Variants in SLC1A2 observed in about 807,000 individuals in gnomAD.
SLC1A2 encodes the protein solute carrier family 1 member 2.
A neutral mutation model predicts 48.8 loss-of-function variants in SLC1A2; 15 were observed. That is an observed-to-expected ratio of 0.31 (90% CI 0.21 to 0.47). SLC1A2 has a LOEUF of 0.47. SLC1A2 is among the 20% of genes least tolerant of loss of function. The pLI is 0.99. For synonymous variants in SLC1A2, 279 were observed against 272.6 expected, an observed-to-expected ratio of 1.02 and a Z score of -0.23; for missense variants, 502 against 730.5, an observed-to-expected ratio of 0.69 and a Z score of 3.61.
intron 1 of SLC1A2, chr11:35,391,110 C>T (rs1226834716): frequency 6.6e-6 from 1 of 152,124 alleles, no homozygotes; most frequent in African/African-American, 2.4e-5. Context: ...CAACCATGGT[C>T]CACAGGTCAA....
intron 4 of SLC1A2, among the ~76,000 whole-genome samples, chr11:35,310,122 C>G (rs1466545874): frequency 6.6e-6 from 1 of 152,186 alleles, no homozygotes; most frequent in Non-Finnish European, 1.5e-5. Context: ...AGCAATAGCT[C>G]CAGGAGCCTG....
intron 1 of SLC1A2, among the ~76,000 whole-genome samples, chr11:35,333,792 G>A (rs960028996): frequency 2.0e-5 from 3 of 150,516 alleles, no homozygotes; most frequent in Non-Finnish European, 4.4e-5. Flanking sequence ...CTCCCGAGTA[G>A]CTGGGATGAC....
At chr11:35,334,389 T>A (rs542527900) in intron 1 of SLC1A2, among the ~76,000 whole-genome samples, 14 of 152,188 alleles carry the variant, frequency 9.2e-5, no homozygotes, top group Non-Finnish European at 1.9e-4. Flanking sequence ...AAAAAAGGAA[T>A]GAAAATTTAT....
At chr11:35,312,698 T>C (rs1017528076) in intron 3 of SLC1A2, among the ~76,000 whole-genome samples, 4 of 152,252 alleles carry the variant, frequency 2.6e-5, no homozygotes, top group African/African-American at 9.6e-5. Flanking sequence ...ATGCACATCC[T>C]CCTGTCTACT....
intron 9 of SLC1A2, among the ~76,000 whole-genome samples, chr11:35,278,655 C>T (rs577439732): frequency 7.9e-5 from 12 of 152,202 alleles, no homozygotes; most frequent in African/African-American, 2.6e-4. Context: ...TTCCTCCCTT[C>T]GGCCACTTGC....
chr11:35,316,449 G>A (rs1457988977), intron 2 of SLC1A2: 1 of 152,192 alleles, frequency 6.6e-6, no homozygotes. Context: ...TGGTTACATG[G>A]CGGGTAACCT....
At chr11:35,348,995 C>A (rs1293920993) in intron 1 of SLC1A2, among the ~76,000 whole-genome samples, 1 of 150,474 alleles carries the variant, frequency 6.6e-6, no homozygotes, top group Non-Finnish European at 1.5e-5. Flanking sequence ...TATAGGTAGA[C>A]TTTCTTTTGG....
intron 1 of SLC1A2, among the ~76,000 whole-genome samples, chr11:35,409,702 A>G (rs1360227499): frequency 3.3e-5 from 5 of 152,196 alleles, no homozygotes; most frequent in Admixed American, 3.3e-4. Flanking sequence ...TGAGGTCAGG[A>G]GTTCAAGACC....
At chr11:35,324,103 A>T (rs1414003407) in intron 1 of SLC1A2, among the ~76,000 whole-genome samples, 2 of 152,234 alleles carry the variant, frequency 1.3e-5, no homozygotes, top group Non-Finnish European at 2.9e-5. Context: ...GAAGGAGAAG[A>T]GCCTTTTTTT....
intron 4 of SLC1A2, among the ~76,000 whole-genome samples, chr11:35,307,766 G>C (rs1462696305): frequency 6.6e-6 from 1 of 152,218 alleles, no homozygotes; most frequent in Admixed American, 6.5e-5. Context: ...TACTGTGCTG[G>C]TTCCCATAGG....
intron 1 of SLC1A2, among the ~76,000 whole-genome samples, chr11:35,340,400 C>A (rs1259351394): frequency 3.9e-5 from 6 of 152,232 alleles, no homozygotes; most frequent in African/African-American, 9.6e-5. Flanking sequence ...GATCTGAGCT[C>A]CCTATCTGCT....
intron 1 of SLC1A2, among the ~76,000 whole-genome samples, chr11:35,396,453 T>C (rs1275395052): frequency 7.6e-6 from 1 of 131,544 alleles, no homozygotes; most frequent in Non-Finnish European, 1.6e-5. Flanking sequence ...TTTCATGTGT[T>C]TTTTGGCTGC....
chr11:35,298,171 C>CA (rs1220819711), intron 6 of SLC1A2: 1 of 152,116 alleles, frequency 6.6e-6, no homozygotes, highest in African/African-American at 2.4e-5. Flanking sequence ...TGAGCTAATG[C>CA]ATGTAAAACA....
rs981241082 is a variant in SLC1A2, at chr11:35,256,653, G to C, written c.*4241C>G. The C allele has an allele frequency of 1.3e-5, 2 of 151,878 alleles. No individual in the cohort carries two copies. Among genetic ancestry groups the C allele is most frequent in the Non-Finnish European group, 2.9e-5 (2 of 67,980 alleles). The allele number at this position is 151,878 out of a possible 1,614,324, so 9.4% of individuals were successfully genotyped here. A position where few individuals can be genotyped will look rare whatever the true frequency, so the allele number is the denominator to read the frequency against. ...AGTCTTCTTCTGCCTCCAGACTCTA[G>C]CATTCTTATTCAAGGAGCAAGTATG... On this transcript the variant is annotated 3_prime_UTR_variant, in exon 11 of 11. Transcript: ENST00000278379.
intron 1 of SLC1A2, among the ~76,000 whole-genome samples, chr11:35,387,422 C>T (rs1270228473): frequency 1.3e-5 from 2 of 152,132 alleles, no homozygotes; most frequent in African/African-American, 4.8e-5. Context: ...GCAAGAACAT[C>T]CCCTACTTTT....
intron 1 of SLC1A2, among the ~76,000 whole-genome samples, chr11:35,350,519 T>A (rs1210781541): frequency 6.6e-6 from 1 of 152,186 alleles, no homozygotes; most frequent in South Asian, 2.1e-4. Flanking sequence ...ATATAACTAA[T>A]AACATGCACA....
chr11:35,420,101 TG>T (rs529199501), upstream of SLC1A2: 280 of 221,144 alleles, frequency 1.3e-3, 2 homozygotes, highest in African/African-American at 6.5e-3. Context: ...TGCAGCTCCC[TG>T]GGGGCGGCGG....
At chr11:35,309,579 G>C (rs1022724855) in intron 4 of SLC1A2, among the ~76,000 whole-genome samples, 1 of 152,176 alleles carries the variant, frequency 6.6e-6, no homozygotes, top group Non-Finnish European at 1.5e-5. Flanking sequence ...TGTCGCCTGG[G>C]AGGAGGCAGT....
At chr11:35,294,451 C>T (rs1851109157) in intron 6 of SLC1A2, among the ~76,000 whole-genome samples, 1 of 152,080 alleles carries the variant, frequency 6.6e-6, no homozygotes, top group Non-Finnish European at 1.5e-5. Flanking sequence ...CTGGTGTGTC[C>T]ATAGTCACAT....
Sources: gnomAD v4.1 joint callset for allele counts (sites outside exome capture counted in the v4.1 genomes callset) on GRCh38, gnomAD v4.1.1 for gene constraint, MANE v1.5 for transcripts, NCBI Gene and HGNC (gene_info 2026-07-23, HGNC 2026-07-21) for gene names.